The following DNMBP variants were observed in gnomAD, a reference collection of about 807,000 sequenced individuals.
DNMBP encodes dynamin-binding protein.
A neutral mutation model predicts 150.0 loss-of-function variants in DNMBP; 87 were observed. The ratio of observed to expected loss-of-function variants is 0.58; its 90% CI spans 0.49 to 0.69. DNMBP has a LOEUF of 0.69. Ranked by LOEUF, DNMBP falls within the 30% of genes least tolerant of loss-of-function variation. DNMBP has a pLI of 0.00. For missense variants in DNMBP, 1,774 were observed against 1,949.0 expected (o/e 0.91, Z 1.69); for synonymous variants, 711 against 750.4 (o/e 0.95, Z 0.86).
rs928380333 is a variant in DNMBP at position 99,876,588 on chromosome 10, G to A, written c.*563C>T. 1 of 152,202 alleles carries A rather than the reference G, an allele frequency of 6.6e-6. No homozygotes were observed. Among genetic ancestry groups the A allele is most frequent in the African/African-American group, 2.4e-5 (1 of 41,434 alleles). 9.4% of individuals were successfully genotyped at this position (152,202 alleles called of 1,614,324 possible). ...GTGCTTTAGGGACTTTAGAAATTAG[G>A]GGCAGTATGTATGAGAATGTGTGCT... is the stretch of plus-strand genomic sequence containing the variant. On this transcript the variant is annotated 3_prime_UTR_variant, in exon 17 of 17. Coordinates refer to ENST00000324109, the MANE Select transcript of DNMBP (RefSeq NM_015221.4).
At chr10:99,905,693 A>G (rs7476595) in intron 6 of DNMBP, among the ~76,000 whole-genome samples, 68,268 of 152,094 alleles carry the variant, frequency 0.45, 15,553 homozygotes, top group African/African-American at 0.48. Context: ...TCTCAAAAAC[A>G]TGTGTGGCGG....
chr10:99,941,396 G>T (rs190231031), intron 4 of DNMBP, among the ~76,000 whole-genome samples: 169 of 152,030 alleles, frequency 1.1e-3, no homozygotes, highest in African/African-American at 3.8e-3. Context: ...AAATGTGGTT[G>T]CTACTTGCAA....
At chr10:99,933,526 G>A (rs1371828885) in intron 4 of DNMBP, among the ~76,000 whole-genome samples, 2 of 151,918 alleles carry the variant, frequency 1.3e-5, no homozygotes, top group Non-Finnish European at 2.9e-5. Context: ...GGGGGATCTG[G>A]CAAAAAAGGA....
chr10:99,941,554 C>T (rs2133305955), intron 4 of DNMBP, among the ~76,000 whole-genome samples: 1 of 152,104 alleles, frequency 6.6e-6, no homozygotes, highest in East Asian at 1.9e-4. Context: ...CCGCAACCTC[C>T]ACCTCCCAGA....
At chr10:99,917,049 T>C (rs913135994) in intron 4 of DNMBP, among the ~76,000 whole-genome samples, 3 of 152,146 alleles carry the variant, frequency 2.0e-5, no homozygotes, top group African/African-American at 7.2e-5. Flanking sequence ...AACTATGGCA[T>C]GCCCATATAA....
intron 11 of DNMBP, among the ~76,000 whole-genome samples, chr10:99,891,442 C>T (rs373199179): frequency 0.14 from 21,157 of 151,288 alleles, 2,304 homozygotes; most frequent in African/African-American, 0.3. Flanking sequence ...CCCGAGGTGC[C>T]GGGATTGCAG....
chr10:99,991,119 C>A (rs1230843353), intron 1 of DNMBP, among the ~76,000 whole-genome samples: 1 of 151,176 alleles, frequency 6.6e-6, no homozygotes, highest in African/African-American at 2.4e-5. Flanking sequence ...CACTCTCTTG[C>A]CCAAGCTAGA....
At chr10:99,889,116 CTA>C in intron 11 of DNMBP, 163 bp from the exon 12 acceptor site, 1 of 746,336 alleles carries the variant, frequency 1.3e-6, no homozygotes. Context: ...TTTTCATAAA[CTA>C]TGACTTACGG....
chr10:99,898,103 T>C lies in DNMBP; in HGVS notation c.2903A>G (p.Lys968Arg), dbSNP rs2039683071. Residue 968 changes from lysine (K) to arginine (R), a missense_variant, in exon 9 of 17, where the codon AAA (lysine) becomes AGA (arginine). Physicochemically the swap from Lys to Arg is conservative, Grantham distance 26. Transcript: ENST00000324109. ...GTTCTTACCCAGGTCCTTTCGCCGT[T>C]TATATTCATTAATGTTAACGTTGAT... is the stretch of plus-strand genomic sequence containing the variant. ...KEINVNINEY[K>R]RRKDLVLKYR... The C allele has an allele frequency of 1.2e-6, 2 of 1,613,920 alleles. No individual in the cohort carries two copies. The highest frequency in any genetic ancestry group is 1.7e-6 in the Non-Finnish European group (2 of 1,179,860).
chr10:99,905,707 G>A (rs930218498), intron 6 of DNMBP, among the ~76,000 whole-genome samples: 4 of 152,104 alleles, frequency 2.6e-5, no homozygotes, highest in East Asian at 1.9e-4. Flanking sequence ...GTGGCGGCTC[G>A]TGCCTATAAT....
intron 14 of DNMBP, among the ~76,000 whole-genome samples, chr10:99,884,426 T>TGTGTG (rs2039424899): frequency 6.6e-6 from 1 of 152,124 alleles, no homozygotes; most frequent in Non-Finnish European, 1.5e-5. Flanking sequence ...GTTAAGAAAA[T>TGTGTG]TTAACACACA....
chr10:99,901,476 T>C (rs1177388000), intron 6 of DNMBP, among the ~76,000 whole-genome samples: 2 of 152,168 alleles, frequency 1.3e-5, no homozygotes, highest in Non-Finnish European at 2.9e-5. Flanking sequence ...AAATGCTATA[T>C]TTCAGTTAAA....
chr10:99,990,487 G>T (rs1488545088), intron 1 of DNMBP, among the ~76,000 whole-genome samples: 1 of 151,674 alleles, frequency 6.6e-6, no homozygotes, highest in Non-Finnish European at 1.5e-5. Context: ...AGGAGGCAGA[G>T]GTTGCAGTGA....
chr10:99,954,492 C>T (rs1462058842), intron 4 of DNMBP, among the ~76,000 whole-genome samples: 1 of 151,856 alleles, frequency 6.6e-6, no homozygotes, highest in Non-Finnish European at 1.5e-5. Flanking sequence ...TGCCTGTAAT[C>T]CCAGCACTTT....
Position 99,886,491 on chromosome 10 carries a change from C to T in DNMBP, c.3427G>A (p.Asp1143Asn). ...NCTERAEKLK[D>N]KKTLEELQSA... ...TGCAGCTCCTCCAGGGTCTTCTTGTCCTTTAGCTTTTCTGCCCGTTCTGTA... is the reference window on the plus strand; with the variant it reads ...TGCAGCTCCTCCAGGGTCTTCTTGTTCTTTAGCTTTTCTGCCCGTTCTGTA... Residue 1143 changes from aspartate (D) to asparagine (N), a missense_variant, in exon 13 of 17, where the codon GAC becomes AAC. Asp to Asn is a conservative substitution (Grantham distance 23). Transcript: ENST00000324109. 6.2e-7 allele frequency: 1 copy of T among 1,614,138 alleles called. No individual in the cohort carries two copies. The highest frequency in any genetic ancestry group is 8.5e-7 in the Non-Finnish European group (1 of 1,180,010).
rs756250016 is a variant in DNMBP, at chr10:99,921,864, G to GGA, written c.2261-12719_2261-12718insTC. ...TGGGCAACAGAGTGAGATTCCATCT[G>GGA]AAAAAAAAAAAAAAAAAAAAAAAAA... is the stretch of plus-strand genomic sequence containing the variant. On this transcript the variant is annotated intron_variant, in intron 4 of 16. Transcript: ENST00000324109. Among the ~76,000 whole-genome samples the GGA allele has an allele frequency of 2.5e-4, 6 of 23,752 alleles. No individual in the cohort carries two copies. The Admixed American group carries it at 2.7e-3, about 11-fold the overall frequency. 15.6% of individuals were successfully genotyped at this position (23,752 alleles called of 152,430 possible).
At chr10:99,896,188 T>C (rs1011452335) in intron 10 of DNMBP, 79 bp downstream of exon 10, 12 of 1,523,958 alleles carry the variant, frequency 7.9e-6, no homozygotes, top group African/African-American at 2.7e-5. Context: ...ACCACGCCAA[T>C]TGACGCCAGG....
chr10:100,008,944 C>T (rs2133399368), intron 1 of DNMBP, among the ~76,000 whole-genome samples: 1 of 152,294 alleles, frequency 6.6e-6, no homozygotes, highest in South Asian at 2.1e-4. Flanking sequence ...TAAATATTAG[C>T]GTTACCACTC....
intron 3 of DNMBP, among the ~76,000 whole-genome samples, chr10:99,962,629 T>C (rs2040577123): frequency 6.9e-6 from 1 of 144,648 alleles, no homozygotes; most frequent in South Asian, 2.2e-4. Flanking sequence ...AGACTCCGTC[T>C]CAAAAAAAAA....
Sources: allele counts gnomAD v4.1 joint callset (sites outside exome capture counted in the v4.1 genomes callset), GRCh38; gene constraint gnomAD v4.1.1; transcripts MANE v1.5; gene names NCBI Gene and HGNC (gene_info 2026-07-23, HGNC 2026-07-21).